The following ZFHX3 variants were observed in gnomAD, a reference collection of about 807,000 sequenced individuals.
ZFHX3 encodes zinc finger homeobox protein 3.
Under a neutral mutation model 279.1 loss-of-function variants are expected in ZFHX3, and 42 were observed. The observed-to-expected ratio is 0.15, with a 90% CI of 0.12 to 0.19. The LOEUF (loss-of-function observed/expected upper bound fraction) is 0.19, where lower values mean the gene tolerates loss of function less well. Among genes scored for constraint, ZFHX3 ranks in the 10% least tolerant of loss-of-function variants. The pLI, the probability that ZFHX3 is intolerant of heterozygous loss-of-function variation, is 1.00. For missense variants in ZFHX3, 4,981 were observed against 4,754.0 expected, an observed-to-expected ratio of 1.05 and a Z score of -1.40; for synonymous variants, 2,293 against 1,957.8, an observed-to-expected ratio of 1.17 and a Z score of -4.52.
intron 2 of ZFHX3, among the ~76,000 whole-genome samples, chr16:73,540,211 G>A (rs2019986597): frequency 6.6e-6 from 1 of 152,206 alleles, no homozygotes; most frequent in Non-Finnish European, 1.5e-5. Context: ...AACGTCTTTA[G>A]CAGGCCTTAG....
At chr16:72,896,081 G>C (rs1027132115) in intron 3 of ZFHX3, among the ~76,000 whole-genome samples, 30 of 152,154 alleles carry the variant, frequency 2.0e-4, no homozygotes, top group Admixed American at 4.6e-4. Context: ...AGCAGAAAAA[G>C]AACCCAACGA....
Position 73,773,422 on chromosome 16 carries a change from T to C in ZFHX3, c.-1607-93182A>G, listed in dbSNP as rs188574363. Among the ~76,000 whole-genome samples the C allele has an allele frequency of 8.0e-4, 122 of 152,318 alleles. 1 individual carries two copies. The highest frequency in any genetic ancestry group is 1.0e-3 in the Non-Finnish European group (68 of 68,018). ...GATGGAGAACAGATGGTCCTCACCT[T>C]TATGCATCCAACACACACTTACTGA... On this transcript the variant is annotated intron_variant, in intron 1 of 17. Transcript: ENST00000641206.
chr16:73,454,499 A>G (rs1011651365), intron 3 of ZFHX3, among the ~76,000 whole-genome samples: 3 of 149,088 alleles, frequency 2.0e-5, no homozygotes, highest in Non-Finnish European at 4.4e-5. Flanking sequence ...AAATTCAGCA[A>G]TTTTCTCAGA....
At chr16:72,889,632 G>T in intron 4 of ZFHX3, 99 bp downstream of exon 4, 1 of 1,137,212 alleles carries the variant, frequency 8.8e-7, no homozygotes, top group East Asian at 2.5e-5. Flanking sequence ...GGACCAGCTG[G>T]ATCAGTAACG....
intron 4 of ZFHX3, among the ~76,000 whole-genome samples, chr16:73,303,963 G>GGAAAAAAAAAAA (rs781722281): frequency 1.3e-5 from 1 of 76,122 alleles, no homozygotes. Flanking sequence ...ACCCTAGGTG[G>GGAAAAAAAAAAA]AAAAAAAAAA....
chr16:73,392,610 A>G (rs1597315322), intron 3 of ZFHX3, among the ~76,000 whole-genome samples: 1 of 151,890 alleles, frequency 6.6e-6, no homozygotes, highest in Non-Finnish European at 1.5e-5. Context: ...AGCTGGAAGG[A>G]CTATATAAAT....
At chr16:73,888,699 G>T (rs1231516189) in intron 1 of ZFHX3, among the ~76,000 whole-genome samples, 1 of 152,138 alleles carries the variant, frequency 6.6e-6, no homozygotes, top group African/African-American at 2.4e-5. Context: ...GATAACAAAA[G>T]AATACTCAAG....
chr16:73,420,287 A>T (rs1274130396), intron 3 of ZFHX3: 1 of 152,216 alleles, frequency 6.6e-6, no homozygotes, highest in Non-Finnish European at 1.5e-5. Context: ...TGAATGTTAC[A>T]ACTCATTGTG....
intron 5 of ZFHX3, among the ~76,000 whole-genome samples, chr16:73,182,026 G>T (rs915682244): frequency 6.6e-6 from 1 of 152,174 alleles, no homozygotes; most frequent in Non-Finnish European, 1.5e-5. Context: ...TCCAGAGGAG[G>T]GCAGCTTGTT....
At chr16:72,853,992 T>G (rs901987927) in intron 4 of ZFHX3, among the ~76,000 whole-genome samples, 3 of 151,464 alleles carry the variant, frequency 2.0e-5, no homozygotes, top group South Asian at 4.2e-4. Context: ...AAAAGCTTTG[T>G]GCATCTTTGC....
At chr16:72,847,186 G>A (rs1357874918) in intron 4 of ZFHX3, among the ~76,000 whole-genome samples, 1 of 152,230 alleles carries the variant, frequency 6.6e-6, no homozygotes, top group Non-Finnish European at 1.5e-5. Flanking sequence ...GACCTCGGCA[G>A]GGCTATTTTA....
chr16:73,405,024 T>C (rs945376105), intron 3 of ZFHX3, among the ~76,000 whole-genome samples: 8 of 152,188 alleles, frequency 5.3e-5, no homozygotes, highest in Admixed American at 5.2e-4. Context: ...CTTCTGGGCA[T>C]GAATGTGGTC....
intron 4 of ZFHX3, among the ~76,000 whole-genome samples, chr16:72,866,626 A>G (rs1260023381): frequency 6.6e-6 from 1 of 152,224 alleles, no homozygotes; most frequent in African/African-American, 2.4e-5. Flanking sequence ...GAAAGCCCCC[A>G]GTCTTCACTG....
chr16:72,951,705 G>A (rs940420583), intron 2 of ZFHX3, among the ~76,000 whole-genome samples: 4 of 152,174 alleles, frequency 2.6e-5, no homozygotes, highest in Admixed American at 2.6e-4. Context: ...AACATACCAA[G>A]CCTTCATGGG....
intron 1 of ZFHX3, among the ~76,000 whole-genome samples, chr16:73,688,201 A>G (rs1439621915): frequency 6.6e-5 from 10 of 151,942 alleles, no homozygotes; most frequent in Admixed American, 3.9e-4. Context: ...TACTAAAAAT[A>G]CGAAAATTAA....
intron 4 of ZFHX3, among the ~76,000 whole-genome samples, chr16:72,853,185 G>T (rs1447546175): frequency 6.6e-6 from 1 of 152,196 alleles, no homozygotes; most frequent in Non-Finnish European, 1.5e-5. Context: ...TGAATAGCAG[G>T]AATTGTTAAA....
chr16:73,463,811 G>A (rs538104486), intron 2 of ZFHX3, among the ~76,000 whole-genome samples: 5 of 152,288 alleles, frequency 3.3e-5, no homozygotes, highest in South Asian at 2.1e-4. Context: ...AGGGGCGTTC[G>A]TTACAGCAAG....
rs576350854 is a variant in ZFHX3, at chr16:73,503,484, G to C, written c.-1546-47226C>G. On this transcript the variant is annotated intron_variant, in intron 2 of 17. Transcript: ENST00000641206. ...TGACCGCACGTGTCTGCTCTTGGGG[G>C]TGGTACTCCATGGCGGCACCTACCC... Among the ~76,000 whole-genome samples the C allele has an allele frequency of 2.4e-3, 362 of 152,284 alleles. 2 individuals are homozygous for C. Among genetic ancestry groups the C allele is most frequent in the African/African-American group, 8.3e-3 (344 of 41,544 alleles).
chr16:72,841,368 GT>G (rs1196790858), intron 4 of ZFHX3, among the ~76,000 whole-genome samples: 1 of 152,194 alleles, frequency 6.6e-6, no homozygotes, highest in Non-Finnish European at 1.5e-5. Context: ...AAAGGTTTAC[GT>G]TCAAGAGCTT....
Sources: allele counts gnomAD v4.1 joint callset (sites outside exome capture counted in the v4.1 genomes callset), GRCh38; gene constraint gnomAD v4.1.1; transcripts MANE v1.5; gene names NCBI Gene and HGNC (gene_info 2026-07-23, HGNC 2026-07-21).